Variants in CFAP54 observed in about 807,000 individuals in gnomAD.
CFAP54 encodes cilia and flagella associated protein 54, also known as cilia- and flagella-associated protein 54.
In CFAP54, 290 loss-of-function variants were observed where a neutral mutation model predicts 370.4. That is an observed-to-expected ratio of 0.78 (90% CI 0.71 to 0.86). The LOEUF is 0.86. CFAP54 is among the 40% of genes least tolerant of loss of function. The probability of loss-of-function intolerance (pLI) is 0.00; values close to 1 mark genes in which losing one functional copy is unlikely to be tolerated. For synonymous variants in CFAP54, 1,206 were observed against 1,236.5 expected (o/e 0.98, Z 0.52); for missense variants, 3,399 against 3,528.7 (o/e 0.96, Z 0.93).
At chr12:96,639,552 A>T (rs1956701422) in intron 32 of CFAP54, among the ~76,000 whole-genome samples, 1 of 152,230 alleles carries the variant, frequency 6.6e-6, no homozygotes, top group African/African-American at 2.4e-5. Context: ...CAATAGAAAA[A>T]GAGGGAATCC....
intron 55 of CFAP54, among the ~76,000 whole-genome samples, chr12:96,745,919 A>G (rs1041934931): frequency 1.2e-4 from 19 of 152,202 alleles, no homozygotes; most frequent in African/African-American, 4.3e-4. Context: ...CTGGCTGATA[A>G]TAGTATTTTC....
intron 1 of CFAP54, among the ~76,000 whole-genome samples, chr12:96,498,151 TA>T (rs1374163108): frequency 6.6e-6 from 1 of 151,580 alleles, no homozygotes; most frequent in African/African-American, 2.4e-5. Context: ...AAAATGAATC[TA>T]GGGGGTCTGG....
At chr12:96,686,056 C>T (rs1592708379) in intron 42 of CFAP54, among the ~76,000 whole-genome samples, 2 of 152,186 alleles carry the variant, frequency 1.3e-5, no homozygotes, top group East Asian at 3.8e-4. Flanking sequence ...CATCAGTTTG[C>T]TAGGGCTATC....
At chr12:96,576,058 A>G (rs557332837) in intron 19 of CFAP54, among the ~76,000 whole-genome samples, 4 of 152,106 alleles carry the variant, frequency 2.6e-5, no homozygotes, top group African/African-American at 7.2e-5. Flanking sequence ...ACCTTTTTAA[A>G]AAGTGGTTGC....
intron 45 of CFAP54, among the ~76,000 whole-genome samples, chr12:96,698,797 G>A (rs1957461667): frequency 6.6e-6 from 1 of 152,036 alleles, no homozygotes; most frequent in Admixed American, 6.6e-5. Context: ...ACAAAGAACT[G>A]GACAAAACGC....
At position 96,512,382 on chromosome 12, in the gene CFAP54, G is replaced by A. The variant is rs903643723; in HGVS notation, c.740-604G>A. Reference sequence around the variant, plus strand: ...ATTTGAGATGGAGTCTTGCTCTGTCGCCCAGGCTAGAGTGCAGTGGCATGA... The same window carrying A: ...ATTTGAGATGGAGTCTTGCTCTGTCACCCAGGCTAGAGTGCAGTGGCATGA... On this transcript the variant is annotated intron_variant, in intron 4 of 67. Transcript: ENST00000524981. Among the ~76,000 whole-genome samples, 23 of 114,854 alleles carry A rather than the reference G, an allele frequency of 2.0e-4. 1 individual carries two copies. The highest frequency in any genetic ancestry group is 3.6e-4 in the Non-Finnish European group (20 of 55,822). 75.3% of individuals were successfully genotyped at this position (114,854 alleles called of 152,430 possible).
At chr12:96,563,657 T>G (rs1955837235) in intron 17 of CFAP54, among the ~76,000 whole-genome samples, 1 of 152,222 alleles carries the variant, frequency 6.6e-6, no homozygotes, top group South Asian at 2.1e-4. Flanking sequence ...TGTTAACATC[T>G]TTTCACGAAT....
rs367769751 is a variant in CFAP54 at position 96,798,750 on chromosome 12, T to A, written c.8850+6251T>A. Among the ~76,000 whole-genome samples the A allele has an allele frequency of 1.0e-3, 153 of 152,300 alleles. 1 individual carries two copies. The highest frequency in any genetic ancestry group is 3.6e-3 in the African/African-American group (151 of 41,578). ...CAATAAAGAGTAGTTGTCATTATTA[T>A]GTGAAATTATTTTTAAATTATTATG... On this transcript the variant is annotated intron_variant, in intron 63 of 67. Transcript: ENST00000524981.
chr12:96,821,177 C>T (rs1439415843), intron 65 of CFAP54, among the ~76,000 whole-genome samples: 1 of 152,120 alleles, frequency 6.6e-6, no homozygotes, highest in Non-Finnish European at 1.5e-5. Context: ...TTTGGGTGGA[C>T]TGAGAGTCAC....
chr12:96,679,214 C>A (rs937829145), intron 39 of CFAP54, among the ~76,000 whole-genome samples: 1 of 152,110 alleles, frequency 6.6e-6, no homozygotes, highest in African/African-American at 2.4e-5. Context: ...AACTTTATTT[C>A]TTCCTTTGTT....
chr12:96,708,583 C>A, intron 47 of CFAP54, 25 bp from the exon 48 acceptor site: 7 of 1,566,122 alleles, frequency 4.5e-6, no homozygotes, highest in Non-Finnish European at 6.0e-6. Flanking sequence ...CTAATTTGCT[C>A]TTTTTCCTTT....
At chr12:96,563,653 C>T (rs1955837194) in intron 17 of CFAP54, among the ~76,000 whole-genome samples, 2 of 152,208 alleles carry the variant, frequency 1.3e-5, no homozygotes, top group Non-Finnish European at 2.9e-5. Flanking sequence ...TGTATGTTAA[C>T]ATCTTTTCAC....
At chr12:96,516,957 A>T (rs1188444359) in intron 5 of CFAP54, among the ~76,000 whole-genome samples, 1 of 151,138 alleles carries the variant, frequency 6.6e-6, no homozygotes, top group African/African-American at 2.4e-5. Flanking sequence ...ACATGCTCTT[A>T]CTGGGGCCAT....
intron 2 of CFAP54, among the ~76,000 whole-genome samples, chr12:96,503,079 T>TG (rs1491554720): frequency 2.0e-5 from 2 of 100,222 alleles, no homozygotes; most frequent in East Asian, 9.7e-4. Context: ...TCTTTCTTTC[T>TG]TTCTCTTTCT....
intron 63 of CFAP54, 71 bp downstream of exon 63, chr12:96,792,570 A>G (rs986411816): frequency 1.0e-4 from 123 of 1,182,248 alleles, no homozygotes; most frequent in Admixed American, 3.0e-4. Context: ...TATAACTTGG[A>G]GAGTAGAGGA....
At chr12:96,512,301 T>TTATATATATATATATATA (rs1165045194) in intron 4 of CFAP54, among the ~76,000 whole-genome samples, 1 of 31,134 alleles carries the variant, frequency 3.2e-5, no homozygotes, top group Non-Finnish European at 6.2e-5. Flanking sequence ...GGAACCAATT[T>TTATATATATATATATATA]TATATATATA....
chr12:96,516,924 A>G (rs1001898005), intron 5 of CFAP54, among the ~76,000 whole-genome samples: 3 of 152,058 alleles, frequency 2.0e-5, no homozygotes, highest in Admixed American at 6.5e-5. Flanking sequence ...AATCGTATGT[A>G]TATTTCCTGC....
At chr12:96,806,311 G>A (rs942837306) in intron 63 of CFAP54, among the ~76,000 whole-genome samples, 6 of 149,488 alleles carry the variant, frequency 4.0e-5, no homozygotes. Flanking sequence ...GGCCATAGAA[G>A]ACTCAGATGG....
At chr12:96,851,559 C>A (rs994495489) in intron 66 of CFAP54, among the ~76,000 whole-genome samples, 1 of 151,842 alleles carries the variant, frequency 6.6e-6, no homozygotes, top group Non-Finnish European at 1.5e-5. Flanking sequence ...CAAACCCAAG[C>A]GTTTTTAGAA....
Sources: gnomAD v4.1 joint callset for allele counts (sites outside exome capture counted in the v4.1 genomes callset) on GRCh38, gnomAD v4.1.1 for gene constraint, MANE v1.5 for transcripts, NCBI Gene and HGNC (gene_info 2026-07-23, HGNC 2026-07-21) for gene names.